The following FDFT1 variants were observed in gnomAD, a reference collection of about 807,000 sequenced individuals.
The protein encoded by FDFT1 is farnesyl-diphosphate farnesyltransferase 1, also known as squalene synthase.
Under a neutral mutation model 46.8 loss-of-function variants are expected in FDFT1, and 68 were observed. The ratio of observed to expected loss-of-function variants is 1.45; its 90% CI spans 1.19 to 1.78. The LOEUF is 1.78. Ranked by LOEUF, FDFT1 falls within the 40% of genes most tolerant of loss-of-function variation. The pLI, the probability that FDFT1 is intolerant of heterozygous loss-of-function variation, is 0.00. For synonymous variants in FDFT1, 351 were observed against 185.1 expected (o/e 1.90, Z -7.28); for missense variants, 928 against 524.4 (o/e 1.77, Z -7.52).
In FDFT1 at chr8:11,811,087, G is replaced by C. The variant is rs533042460; in HGVS notation, c.381+1237G>C. The stretch of plus-strand genomic sequence containing the variant: ...GAAGAAAATAGCTGAAGAATAATTC[G>C]AGTTTATACAGTACAATTCAAGAGA... On this transcript the variant is annotated intron_variant, in intron 3 of 7. Transcript: ENST00000220584. 2.6e-5 allele frequency among the ~76,000 whole-genome samples: 4 copies of C among 152,144 alleles called. No homozygotes were observed. In the East Asian group the frequency reaches 7.7e-4, roughly 29 times the overall value.
At chr8:11,804,273 C>T (rs781678560) in intron 1 of FDFT1, among the ~76,000 whole-genome samples, 35 of 152,318 alleles carry the variant, frequency 2.3e-4, no homozygotes, top group East Asian at 3.9e-4. Context: ...AGACTTCATT[C>T]CTCTATGTCT....
At chr8:11,836,907 T>C (rs1344551870) in intron 7 of FDFT1, among the ~76,000 whole-genome samples, 1 of 152,228 alleles carries the variant, frequency 6.6e-6, no homozygotes, top group Non-Finnish European at 1.5e-5. Context: ...GATGCACGCT[T>C]GCTGTGTGCC....
chr8:11,820,983 C>G (rs982865152), intron 3 of FDFT1, among the ~76,000 whole-genome samples: 15 of 152,212 alleles, frequency 9.9e-5, no homozygotes, highest in Admixed American at 5.9e-4. Context: ...CAGAGCTGTT[C>G]CTACTGGGAC....
rs531845460 is a variant in FDFT1, at chr8:11,808,444, C to G, written c.100-350C>G. On this transcript the variant is annotated intron_variant, in intron 1 of 7. Transcript: ENST00000220584. The stretch of plus-strand genomic sequence containing the variant: ...GTATTCGAGTAGAGGGCGAGCCCGT[C>G]CCGCCCCTCGTCGGGCGCTTCCCAG... The G allele has an allele frequency of 1.8e-4, 223 of 1,271,068 alleles. No individual in the cohort carries two copies. In the African/African-American group the frequency reaches 3.1e-3, roughly 18 times the overall value. 78.7% of individuals were successfully genotyped at this position (1,271,068 alleles called of 1,614,324 possible).
chr8:11,816,590 T>A (rs1480872952), intron 3 of FDFT1, among the ~76,000 whole-genome samples: 1 of 152,194 alleles, frequency 6.6e-6, no homozygotes, highest in Non-Finnish European at 1.5e-5. Context: ...TCATATCCCT[T>A]GTAAGTTGGA....
At chr8:11,823,201 C>T (rs1309625236) in intron 4 of FDFT1, among the ~76,000 whole-genome samples, 1 of 152,160 alleles carries the variant, frequency 6.6e-6, no homozygotes, top group Non-Finnish European at 1.5e-5. Flanking sequence ...AACAGTCCTC[C>T]CACTCTGGCC....
intron 3 of FDFT1, among the ~76,000 whole-genome samples, chr8:11,812,327 A>G (rs1032705805): frequency 3.3e-5 from 5 of 152,174 alleles, no homozygotes; most frequent in Non-Finnish European, 7.4e-5. Flanking sequence ...ACGTGCCACC[A>G]TTGACTGTGC....
chr8:11,801,808 C>G (rs1288750650), upstream of FDFT1: 22 of 370,224 alleles, frequency 5.9e-5, no homozygotes, highest in Non-Finnish European at 1.0e-4. Flanking sequence ...ATTCTCCTGC[C>G]TCAGCCTCCG....
At chr8:11,819,274 C>G (rs1281876930) in intron 3 of FDFT1, among the ~76,000 whole-genome samples, 1 of 152,184 alleles carries the variant, frequency 6.6e-6, no homozygotes, top group Admixed American at 6.5e-5. Context: ...TCTGGCAGCC[C>G]TTAACATTTT....
At chr8:11,834,455 C>T (rs756251625) in intron 7 of FDFT1, among the ~76,000 whole-genome samples, 1 of 152,218 alleles carries the variant, frequency 6.6e-6, no homozygotes, top group African/African-American at 2.4e-5. Flanking sequence ...TGCACACTTC[C>T]TGTGCCCTCC....
At position 11,823,678 on chromosome 8, in the gene FDFT1, C is replaced by A. The variant is rs571405285; in HGVS notation, c.510+1800C>A. On this transcript the variant is annotated intron_variant, in intron 4 of 7. Coordinates refer to ENST00000220584, the MANE Select transcript of FDFT1 (RefSeq NM_004462.5). Reference sequence around the variant, plus strand: ...GACCTTCTGGGCTCAAGCAATCTTCCTTGCCCTCAGCCTCCTGAGTAACTG... The same window carrying A: ...GACCTTCTGGGCTCAAGCAATCTTCATTGCCCTCAGCCTCCTGAGTAACTG... 5.9e-5 allele frequency among the ~76,000 whole-genome samples: 9 copies of A among 152,238 alleles called. No homozygotes were observed. The South Asian group carries it at 1.5e-3, about 25-fold the overall frequency.
intron 7 of FDFT1, among the ~76,000 whole-genome samples, chr8:11,836,432 C>G (rs1811545459): frequency 6.6e-6 from 1 of 152,234 alleles, no homozygotes; most frequent in African/African-American, 2.4e-5. Flanking sequence ...GCAGGAACTG[C>G]CTGGCACGTG....
intron 6 of FDFT1, among the ~76,000 whole-genome samples, chr8:11,831,201 C>A (rs921742948): frequency 6.6e-6 from 1 of 152,110 alleles, no homozygotes; most frequent in Admixed American, 6.6e-5. Flanking sequence ...ATTTCCGATC[C>A]GATAATCCAT....
upstream of FDFT1, chr8:11,802,234 G>C: frequency 2.6e-6 from 1 of 386,506 alleles, no homozygotes. Context: ...GCTTGGCGCT[G>C]GCCCGGCCTT....
At chr8:11,837,369 C>T (rs1430867543) in intron 7 of FDFT1, among the ~76,000 whole-genome samples, 1 of 152,166 alleles carries the variant, frequency 6.6e-6, no homozygotes, top group Non-Finnish European at 1.5e-5. Flanking sequence ...AGCTGGGGGA[C>T]CACAGGTGCA....
upstream of FDFT1, among the ~76,000 whole-genome samples, chr8:11,797,378 C>G (rs146168300): frequency 3.0e-4 from 46 of 152,302 alleles, no homozygotes; most frequent in East Asian, 8.7e-3. Context: ...GGATTAGGGG[C>G]TCTCTAACAA....
intron 3 of FDFT1, among the ~76,000 whole-genome samples, chr8:11,820,078 G>A (rs1265345974): frequency 1.3e-5 from 2 of 152,138 alleles, no homozygotes; most frequent in South Asian, 2.1e-4. Context: ...TTGTTTGTTA[G>A]TTTTCCTTCT....
intron 3 of FDFT1, among the ~76,000 whole-genome samples, chr8:11,811,352 C>A (rs1476476606): frequency 6.6e-6 from 1 of 152,184 alleles, no homozygotes; most frequent in Non-Finnish European, 1.5e-5. Flanking sequence ...TCTAGCTGGA[C>A]CTAGCCTCTA....
intron 1 of FDFT1, chr8:11,803,149 G>T (rs1806355833): frequency 7.7e-6 from 11 of 1,428,118 alleles, no homozygotes. Flanking sequence ...AGCCGCCCTG[G>T]GCATGAGCGA....
Sources: allele counts gnomAD v4.1 joint callset (sites outside exome capture counted in the v4.1 genomes callset), GRCh38; gene constraint gnomAD v4.1.1; transcripts MANE v1.5; gene names NCBI Gene and HGNC (gene_info 2026-07-23, HGNC 2026-07-21).